The following AGPAT2 variants were observed in gnomAD, a reference collection of about 807,000 sequenced individuals.
The protein encoded by AGPAT2 is 1-acyl-sn-glycerol-3-phosphate acyltransferase beta.
AGPAT2 carries 18 observed loss-of-function variants against 26.1 expected under a neutral mutation model. The ratio of observed to expected loss-of-function variants is 0.69; its 90% CI spans 0.48 to 1.02. The LOEUF (loss-of-function observed/expected upper bound fraction) is 1.02, where lower values mean the gene tolerates loss of function less well. Among genes scored for constraint, AGPAT2 ranks in the 50% least tolerant of loss-of-function variants. The pLI is 0.00. For missense variants in AGPAT2, 415 were observed against 394.9 expected (o/e 1.05, Z -0.43); for synonymous variants, 200 against 174.2 (o/e 1.15, Z -1.16).
At position 136,673,566 on chromosome 9, in the gene AGPAT2, GCAGGGGACAC is replaced by G; in HGVS notation, c.*176_*185del. 1 of 616,144 alleles carries G rather than the reference GCAGGGGACAC, an allele frequency of 1.6e-6. No homozygotes were observed. Among genetic ancestry groups the G allele is most frequent in the Non-Finnish European group, 2.5e-6 (1 of 394,790 alleles). The allele number at this position is 616,144 out of a possible 1,614,324, so 38.2% of individuals were successfully genotyped here. ...CGGGGAGGGTCCAGCTGAGCCCCCTGCAGGGGACACCAGGGGCCTGTGTCTGAGGCCAGTG... is the reference window on the plus strand; with the variant it reads ...CGGGGAGGGTCCAGCTGAGCCCCCTGCAGGGGCCTGTGTCTGAGGCCAGTG... On this transcript the variant is annotated 3_prime_UTR_variant, in exon 6 of 6. Transcript: ENST00000371696.
chr9:136,678,809 A>G (rs1846125114), intron 1 of AGPAT2, among the ~76,000 whole-genome samples: 1 of 119,864 alleles, frequency 8.3e-6, no homozygotes, highest in Non-Finnish European at 1.9e-5. Flanking sequence ...AATGTGTCAC[A>G]TTGTGCAGTG....
At chr9:136,682,832 C>G (rs1457951913) in intron 1 of AGPAT2, among the ~76,000 whole-genome samples, 2 of 152,190 alleles carry the variant, frequency 1.3e-5, no homozygotes, top group Non-Finnish European at 2.9e-5. Context: ...CTCAGACCGC[C>G]TGAGCTCAGC....
At chr9:136,685,199 G>A (rs1286857423) in intron 1 of AGPAT2, among the ~76,000 whole-genome samples, 1 of 152,236 alleles carries the variant, frequency 6.6e-6, no homozygotes, top group Non-Finnish European at 1.5e-5. Context: ...CAGTGTCCCG[G>A]AAGCCACTAC....
intron 1 of AGPAT2, among the ~76,000 whole-genome samples, chr9:136,679,509 C>T (rs1250180203): frequency 6.6e-6 from 1 of 152,210 alleles, no homozygotes; most frequent in African/African-American, 2.4e-5. Context: ...GAAGGCACAC[C>T]CGGGCTGGTA....
At chr9:136,679,984 T>A (rs569867142) in intron 1 of AGPAT2, among the ~76,000 whole-genome samples, 1 of 152,172 alleles carries the variant, frequency 6.6e-6, no homozygotes, top group South Asian at 2.1e-4. Context: ...AACCTGAAAA[T>A]GCTTAAATAG....
At chr9:136,676,438 C>T (rs773995320) in intron 4 of AGPAT2, 147 bp downstream of exon 4, 6 of 653,252 alleles carry the variant, frequency 9.2e-6, no homozygotes, top group South Asian at 1.7e-5. Flanking sequence ...CAGGAAGGGG[C>T]AAGGAGGCCC....
intron 1 of AGPAT2, among the ~76,000 whole-genome samples, chr9:136,684,589 T>C (rs1588268780): frequency 6.6e-6 from 1 of 152,006 alleles, no homozygotes; most frequent in African/African-American, 2.4e-5. Flanking sequence ...AGGGCAGCCA[T>C]TGCTCAGGGG....
In AGPAT2 at chr9:136,676,566, A is replaced by C; in HGVS notation, c.588+19T>G. 1 of 1,603,744 alleles carries C rather than the reference A, an allele frequency of 6.2e-7. No individual in the cohort carries two copies. On this transcript the variant is annotated intron_variant, in intron 4 of 5. Transcript: ENST00000371696. Reference sequence around the variant, plus strand: ...CTCCCCAGCCTGCACCCACCCAGGGAGGGCTGGGCTCAGCCTACCTGTGCC... The same window carrying C: ...CTCCCCAGCCTGCACCCACCCAGGGCGGGCTGGGCTCAGCCTACCTGTGCC...
intron 1 of AGPAT2, among the ~76,000 whole-genome samples, chr9:136,678,615 C>T (rs1188626011): frequency 1.3e-5 from 2 of 152,148 alleles, no homozygotes; most frequent in Non-Finnish European, 2.9e-5. Flanking sequence ...ACCATTTGAT[C>T]CCCCAGCAGT....
At chr9:136,679,546 G>C (rs954291141) in intron 1 of AGPAT2, among the ~76,000 whole-genome samples, 47 of 152,256 alleles carry the variant, frequency 3.1e-4, no homozygotes, top group African/African-American at 1.1e-3. Flanking sequence ...GGGAACTGCA[G>C]GGCTGTTTTG....
At chr9:136,675,023 C>T (rs1846072283) in intron 4 of AGPAT2, among the ~76,000 whole-genome samples, 1 of 152,186 alleles carries the variant, frequency 6.6e-6, no homozygotes. Context: ...AATTTTTACT[C>T]ATCTCCTCTA....
intron 4 of AGPAT2, among the ~76,000 whole-genome samples, chr9:136,676,287 C>T (rs745943045): frequency 6.6e-6 from 1 of 152,186 alleles, no homozygotes; most frequent in African/African-American, 2.4e-5. Context: ...CAGAGGCGAG[C>T]GGCCCGGCTC....
At chr9:136,687,096 G>GAGGGAAGCCCAGAAGAAAGTT in intron 1 of AGPAT2, 80 bp downstream of exon 1, 1 of 1,450,724 alleles carries the variant, frequency 6.9e-7, no homozygotes. Context: ...GGGCAGGAAG[G>GAGGGAAGCCCAGAAGAAAGTT]AGGGAAGCCC....
rs571734530 is a variant in AGPAT2, at chr9:136,686,193, G to T, written c.182+983C>A. 3.9e-5 allele frequency among the ~76,000 whole-genome samples: 6 copies of T among 152,226 alleles called. No individual in the cohort carries two copies. In the East Asian group the frequency reaches 1.2e-3, roughly 29 times the overall value. ...CCCTCCCAGGGCTGGCAAGGACAGC[G>T]AGTGCAGGGAGCTAGCAAACCCTCA... On this transcript the variant is annotated intron_variant, in intron 1 of 5. Coordinates refer to ENST00000371696, the MANE Select transcript of AGPAT2 (RefSeq NM_006412.4).
chr9:136,687,366 C>T lies in AGPAT2; in HGVS notation c.-9G>A, dbSNP rs892404539. 6.8e-7 allele frequency: 1 copy of T among 1,463,150 alleles called. No homozygotes were observed. The highest frequency in any genetic ancestry group is 1.5e-5 in the African/African-American group (1 of 68,036). The allele number at this position is 1,463,150 out of a possible 1,614,324, so 90.6% of individuals were successfully genotyped here. ...CACGGCCACAGCTCCATGGCCCGGC[C>T]CGGCGCCCGACGGCGCCGCCAGCTC... On this transcript the variant is annotated 5_prime_UTR_variant, in exon 1 of 6. Transcript: ENST00000371696.
rs1268021829 is a variant in AGPAT2 at position 136,677,122 on chromosome 9, G to T, written c.331C>A (p.Leu111Ile). The T allele has an allele frequency of 6.2e-7, 1 of 1,612,928 alleles. No individual in the cohort carries two copies. The highest frequency in any genetic ancestry group is 1.7e-5 in the Admixed American group (1 of 60,008). Residue 111 changes from leucine to isoleucine, a missense_variant, in exon 3 of 6, where the codon CTT becomes ATT. By Grantham distance (5) the Leu-to-Ile change is conservative. Transcript: ENST00000371696. ...ILDMMGLMEV[L>I]PERCVQIAKR... ...GCGATCTGCACGCAGCGCTCCGGAA[G>T]GACCTCCATGAGGCCTGGGAGACAG... is the stretch of plus-strand genomic sequence containing the variant.
chr9:136,677,095 T>C lies in AGPAT2; in HGVS notation c.358A>G (p.Lys120Glu). Residue 120 changes from lysine (K) to glutamate (E), a missense_variant, in exon 3 of 6, where the codon AAG becomes GAG. By Grantham distance (56) the Lys-to-Glu change is moderately conservative (BLOSUM62 1). Transcript: ENST00000371696. ...VLPERCVQIA[K>E]RELLFLGPVG... ...GGCCCCAGGAAGAGCAGCTCCCGCT[T>C]GGCGATCTGCACGCAGCGCTCCGGA... is the stretch of plus-strand genomic sequence containing the variant. The C allele has an allele frequency of 6.2e-7, 1 of 1,613,120 alleles. No individual in the cohort carries two copies. The highest frequency in any genetic ancestry group is 1.1e-5 in the South Asian group (1 of 91,080).
chr9:136,685,543 G>A (rs926291841), intron 1 of AGPAT2, among the ~76,000 whole-genome samples: 1 of 152,212 alleles, frequency 6.6e-6, no homozygotes, highest in Admixed American at 6.5e-5. Context: ...TCAGTAGTGG[G>A]GTCTGCTCCA....
intron 3 of AGPAT2, 39 bp downstream of exon 3, chr9:136,676,922 C>T (rs1166566266): frequency 6.3e-7 from 1 of 1,575,264 alleles, no homozygotes; most frequent in Non-Finnish European, 8.7e-7. Flanking sequence ...CCGCCCAGGC[C>T]CCACCCCAAC....
Sources: allele counts gnomAD v4.1 joint callset (sites outside exome capture counted in the v4.1 genomes callset), GRCh38; gene constraint gnomAD v4.1.1; transcripts MANE v1.5; gene names NCBI Gene and HGNC (gene_info 2026-07-23, HGNC 2026-07-21).